The following ZNF385D variants were observed in gnomAD, a reference collection of about 807,000 sequenced individuals.
The protein encoded by ZNF385D is zinc finger protein 659.
A neutral mutation model predicts 35.8 loss-of-function variants in ZNF385D; 15 were observed. The ratio of observed to expected loss-of-function variants is 0.42; its 90% CI spans 0.28 to 0.64. ZNF385D has a LOEUF of 0.64. ZNF385D is among the 30% of genes least tolerant of loss of function. ZNF385D has a pLI of 0.23. For missense variants in ZNF385D, 474 were observed against 494.6 expected (o/e 0.96, Z 0.39); for synonymous variants, 212 against 186.8 (o/e 1.13, Z -1.10).
At chr3:21,795,623 G>T (rs1275890155) in intron 3 of ZNF385D, among the ~76,000 whole-genome samples, 1 of 152,200 alleles carries the variant, frequency 6.6e-6, no homozygotes, top group Non-Finnish European at 1.5e-5. Context: ...CCATGGAAGA[G>T]AAGGTTAGGA....
rs557791765 is a variant in ZNF385D, at chr3:21,666,239, A to G, written c.23-1211T>C. ...TTAACATTCTGAAAATGATTCCCCA[A>G]TGATAAATCCAACCCTATGGAGCCA... On this transcript the variant is annotated intron_variant, in intron 1 of 7. Transcript: ENST00000281523. Among the ~76,000 whole-genome samples the G allele has an allele frequency of 8.5e-5, 13 of 152,338 alleles. 1 individual carries two copies. Among genetic ancestry groups the G allele is most frequent in the Admixed American group, 3.3e-4 (5 of 15,296 alleles).
At chr3:22,001,323 A>C (rs1695829911) in intron 3 of ZNF385D, among the ~76,000 whole-genome samples, 1 of 83,144 alleles carries the variant, frequency 1.2e-5, no homozygotes, top group Non-Finnish European at 2.4e-5. Flanking sequence ...GGAAACCAAA[A>C]ACAAGCAGGA....
chr3:21,608,023 G>GTTTTTTT lies in ZNF385D; in HGVS notation c.166-43346_166-43340dup, dbSNP rs572518584. Among the ~76,000 whole-genome samples, 12 of 120,230 alleles carry GTTTTTTT rather than the reference G, an allele frequency of 1.0e-4. 1 individual carries two copies. The highest frequency in any genetic ancestry group is 3.2e-4 in the African/African-American group (10 of 31,196). 78.9% of individuals were successfully genotyped at this position (120,230 alleles called of 152,430 possible). On this transcript the variant is annotated intron_variant, in intron 2 of 7. Transcript: ENST00000281523. The stretch of plus-strand genomic sequence containing the variant: ...TAATTCTTTTTCTTCTTTTTTTTTT[G>GTTTTTTT]TTTTTTTTTTTTGAGTCTTGCTGTC...
chr3:21,784,074 C>T (rs775378027), intron 3 of ZNF385D, among the ~76,000 whole-genome samples: 1 of 152,226 alleles, frequency 6.6e-6, no homozygotes, highest in South Asian at 2.1e-4. Context: ...CTCTCACACA[C>T]GTGCTTATCA....
intron 2 of ZNF385D, among the ~76,000 whole-genome samples, chr3:22,220,765 T>G (rs1328650291): frequency 6.6e-6 from 1 of 152,158 alleles, no homozygotes; most frequent in Non-Finnish European, 1.5e-5. Context: ...TTCAACACAA[T>G]CTACCACTAC....
intron 1 of ZNF385D, among the ~76,000 whole-genome samples, chr3:21,688,936 A>G (rs1188100486): frequency 6.6e-6 from 1 of 152,130 alleles, no homozygotes; most frequent in African/African-American, 2.4e-5. Flanking sequence ...ATGGAGAGAG[A>G]CAGTCCTTAA....
chr3:21,961,833 A>C (rs1424971664), intron 3 of ZNF385D, among the ~76,000 whole-genome samples: 1 of 152,158 alleles, frequency 6.6e-6, no homozygotes, highest in Non-Finnish European at 1.5e-5. Flanking sequence ...AGCAACTCTG[A>C]AAGAAGGAAC....
intron 3 of ZNF385D, among the ~76,000 whole-genome samples, chr3:22,022,060 T>C (rs1383092): frequency 0.053 from 8,044 of 152,146 alleles, 712 homozygotes; most frequent in African/African-American, 0.18. Flanking sequence ...CCAGAACTAA[T>C]TGAGTGTGAG....
intron 3 of ZNF385D, among the ~76,000 whole-genome samples, chr3:22,037,538 C>T (rs1343753154): frequency 6.6e-6 from 1 of 152,084 alleles, no homozygotes; most frequent in African/African-American, 2.4e-5. Flanking sequence ...TCATATCCTT[C>T]ACCCACTTTT....
chr3:22,144,664 G>C (rs980683787), intron 3 of ZNF385D, among the ~76,000 whole-genome samples: 1 of 148,402 alleles, frequency 6.7e-6, no homozygotes, highest in African/African-American at 2.5e-5. Flanking sequence ...GTCATCATTA[G>C]TAGATATCAC....
chr3:21,425,020 A>T (rs1700950816), intron 6 of ZNF385D, among the ~76,000 whole-genome samples: 3 of 152,226 alleles, frequency 2.0e-5, no homozygotes, highest in African/African-American at 2.4e-5. Context: ...TGGCTGCAAG[A>T]TCTAAACATA....
chr3:22,114,866 A>G (rs1048274854), intron 3 of ZNF385D, among the ~76,000 whole-genome samples: 8 of 151,998 alleles, frequency 5.3e-5, no homozygotes, highest in Admixed American at 2.6e-4. Context: ...GACATTCATA[A>G]AAGAGCCTTT....
chr3:21,772,054 C>A (rs929623590), intron 3 of ZNF385D, among the ~76,000 whole-genome samples: 4 of 151,798 alleles, frequency 2.6e-5, no homozygotes, highest in Non-Finnish European at 4.4e-5. Context: ...GGACTGTTAT[C>A]TAAAACCATG....
intron 1 of ZNF385D, among the ~76,000 whole-genome samples, chr3:21,691,646 AT>A (rs564909358): frequency 3.3e-4 from 50 of 152,122 alleles, no homozygotes; most frequent in Non-Finnish European, 6.6e-4. Flanking sequence ...TCTGATCATC[AT>A]TGCTATAAAA....
Position 22,033,227 on chromosome 3 carries a change from C to A in ZNF385D, c.325+135590G>T, listed in dbSNP as rs145496076. On this transcript the variant is annotated intron_variant, in intron 3 of 5. Coordinates refer to the ZNF385D transcript ENST00000494108. ...GACCAAACGGGACAACATGGTGGAA[C>A]CCTGTCTCTACTAAAAATACAAAAA... Among the ~76,000 whole-genome samples the A allele has an allele frequency of 8.6e-5, 13 of 151,882 alleles. No individual in the cohort carries two copies. The East Asian group carries it at 2.5e-3, about 29-fold the overall frequency.
chr3:22,213,473 G>A (rs1032885839), intron 2 of ZNF385D, among the ~76,000 whole-genome samples: 42 of 151,978 alleles, frequency 2.8e-4, no homozygotes, highest in African/African-American at 9.9e-4. Context: ...ACTTCCAGTG[G>A]TATTCTCAGA....
intron 3 of ZNF385D, among the ~76,000 whole-genome samples, chr3:21,515,745 A>T (rs1162635027): frequency 6.6e-6 from 1 of 152,220 alleles, no homozygotes; most frequent in East Asian, 1.9e-4. Context: ...CCTAAAATTG[A>T]TCCCCACCTT....
chr3:21,566,602 C>T (rs1395325889), intron 2 of ZNF385D, among the ~76,000 whole-genome samples: 1 of 152,084 alleles, frequency 6.6e-6, no homozygotes, highest in Non-Finnish European at 1.5e-5. Context: ...GCGTGGGTGA[C>T]AGAGTGAGAC....
chr3:22,307,941 T>G (rs1703326365), intron 2 of ZNF385D, among the ~76,000 whole-genome samples: 1 of 152,094 alleles, frequency 6.6e-6, no homozygotes. Context: ...AAAATCAAAG[T>G]TAAAATTACC....
Sources: gnomAD v4.1 joint callset for allele counts (sites outside exome capture counted in the v4.1 genomes callset) on GRCh38, gnomAD v4.1.1 for gene constraint, MANE v1.5 for transcripts, NCBI Gene and HGNC (gene_info 2026-07-23, HGNC 2026-07-21) for gene names.